POLR3B: variants seen among roughly 807,000 people sequenced by gnomAD.
POLR3B encodes the protein RNA polymerase III subunit B.
A neutral mutation model predicts 147.4 loss-of-function variants in POLR3B; 96 were observed. That is an observed-to-expected ratio of 0.65 (90% CI 0.55 to 0.77). The LOEUF (loss-of-function observed/expected upper bound fraction) is 0.77, where lower values mean the gene tolerates loss of function less well. Ranked by LOEUF, POLR3B falls within the 30% of genes least tolerant of loss-of-function variation. POLR3B has a pLI of 0.00. For synonymous variants in POLR3B, 461 were observed against 485.9 expected, an observed-to-expected ratio of 0.95 and a Z score of 0.67; for missense variants, 1,036 against 1,413.5, an observed-to-expected ratio of 0.73 and a Z score of 4.28.
chr12:106,501,349 T>C lies in POLR3B; in HGVS notation c.3011T>C (p.Phe1004Ser). Residue 1004 changes from phenylalanine to serine, a missense_variant, in exon 26 of 28, where the codon TTT (phenylalanine) becomes TCT (serine). Coordinates refer to ENST00000228347, the MANE Select transcript of POLR3B (RefSeq NM_018082.6). ...TGEPLEAYIY[F>S]GPVYYQKLKH... ...GAGCCCTTAGAAGCATACATCTATT[T>C]TGGCCCCGTGTACTATCAGAAGCTG... The C allele has an allele frequency of 6.2e-7, 1 of 1,612,696 alleles. No homozygotes were observed. The highest frequency in any genetic ancestry group is 1.7e-5 in the Admixed American group (1 of 60,024).
rs1019600893 is a variant in POLR3B at position 106,504,994 on chromosome 12, A to G, written c.3272+740A>G. The stretch of plus-strand genomic sequence containing the variant: ...ATTTCTCCAGCCTGGGACCTGGTAG[A>G]TGCTTCATAAAAAAATACTGGTTGA... On this transcript the variant is annotated intron_variant, in intron 27 of 27. Transcript: ENST00000228347. This position sits in a 1 kb window ranked among gnomAD's most constrained non-coding sequence, Gnocchi z 4.6. Among the ~76,000 whole-genome samples the G allele has an allele frequency of 6.6e-6, 1 of 152,276 alleles. No homozygotes were observed. The highest frequency in any genetic ancestry group is 2.1e-4 in the South Asian group (1 of 4,830).
chr12:106,382,267 C>A (rs2036773813), intron 9 of POLR3B, among the ~76,000 whole-genome samples: 2 of 152,156 alleles, frequency 1.3e-5, no homozygotes, highest in South Asian at 4.1e-4. Flanking sequence ...TATAAGACAA[C>A]CCTAGTCCTA....
At chr12:106,466,995 A>C (rs2038015343) in intron 23 of POLR3B, among the ~76,000 whole-genome samples, 1 of 152,174 alleles carries the variant, frequency 6.6e-6, no homozygotes, top group Non-Finnish European at 1.5e-5. Context: ...GAAGTAAGTC[A>C]GTGGTAGCTT....
intron 25 of POLR3B, chr12:106,500,294 T>C (rs1377827914): frequency 7.6e-6 from 3 of 393,106 alleles, no homozygotes; most frequent in Non-Finnish European, 1.5e-5. Context: ...AAAGTACTTA[T>C]ATATTCACCC....
In POLR3B at chr12:106,484,157, C is replaced by G. The variant is rs541571657; in HGVS notation, c.2714-11898C>G. Reference sequence around the variant, plus strand: ...CTTTGATAAAGATGTGAAAGAAAAACAGGGGGCAGCAGAGAAGAGCAAATG... The same window carrying G: ...CTTTGATAAAGATGTGAAAGAAAAAGAGGGGGCAGCAGAGAAGAGCAAATG... On this transcript the variant is annotated intron_variant, in intron 23 of 27. Coordinates refer to ENST00000228347, the MANE Select transcript of POLR3B (RefSeq NM_018082.6). Among the ~76,000 whole-genome samples the G allele has an allele frequency of 7.4e-4, 113 of 152,162 alleles. 1 individual carries two copies. Among genetic ancestry groups the G allele is most frequent in the African/African-American group, 2.5e-3 (104 of 41,512 alleles).
At chr12:106,477,638 C>A (rs1475238618) in intron 23 of POLR3B, among the ~76,000 whole-genome samples, 1 of 152,112 alleles carries the variant, frequency 6.6e-6, no homozygotes, top group Non-Finnish European at 1.5e-5. Context: ...CAGGTGCGTC[C>A]GTCACCCCTT....
intron 6 of POLR3B, among the ~76,000 whole-genome samples, chr12:106,370,582 T>C (rs1256548918): frequency 6.6e-6 from 1 of 152,098 alleles, no homozygotes; most frequent in African/African-American, 2.4e-5. Flanking sequence ...ATTAAAATGT[T>C]CATCTTGGTT....
intron 23 of POLR3B, among the ~76,000 whole-genome samples, chr12:106,488,083 A>G (rs1180841017): frequency 6.6e-6 from 1 of 152,256 alleles, no homozygotes; most frequent in African/African-American, 2.4e-5. Context: ...TTTGTAAAGA[A>G]GGTGGCATCA....
At chr12:106,365,858 CAA>C (rs35577793) in intron 2 of POLR3B, among the ~76,000 whole-genome samples, 11 of 127,828 alleles carry the variant, frequency 8.6e-5, no homozygotes, top group African/African-American at 1.4e-4. Context: ...GACTCTGTCT[CAA>C]AAAAAAAAAA....
intron 21 of POLR3B, 32 bp from the exon 22 acceptor site, chr12:106,459,219 C>A (rs765007649): frequency 2.6e-6 from 3 of 1,160,664 alleles, no homozygotes. Context: ...CAGATGATAA[C>A]GATGTGCCTA....
At chr12:106,498,574 T>C (rs540178350) in intron 25 of POLR3B, among the ~76,000 whole-genome samples, 1 of 150,646 alleles carries the variant, frequency 6.6e-6, no homozygotes, top group South Asian at 2.1e-4. Context: ...TTTTGTTTTT[T>C]GGGGTTTGTT....
chr12:106,404,398 G>A (rs2136930218), intron 10 of POLR3B, among the ~76,000 whole-genome samples: 1 of 152,218 alleles, frequency 6.6e-6, no homozygotes, highest in African/African-American at 2.4e-5. Context: ...CAGCCTGATA[G>A]AAAGTTCAGG....
intron 15 of POLR3B, 88 bp from the exon 16 acceptor site, chr12:106,433,631 C>A: frequency 9.3e-7 from 1 of 1,071,370 alleles, no homozygotes; most frequent in South Asian, 1.4e-5. Flanking sequence ...CTGCTTAGTG[C>A]TGATTACTAT....
chr12:106,497,901 A>G (rs1020376664), intron 25 of POLR3B, among the ~76,000 whole-genome samples: 2 of 152,198 alleles, frequency 1.3e-5, no homozygotes, highest in Non-Finnish European at 2.9e-5. Context: ...GACCATTTTC[A>G]AATATACTAC....
Position 106,380,441 on chromosome 12 carries a change from A to G in POLR3B, c.723+302A>G, listed in dbSNP as rs2036746139. On this transcript the variant is annotated intron_variant, in intron 9 of 27. Transcript: ENST00000228347. Reference sequence around the variant, plus strand: ...AAAAAAAAAAAAAAAAAAATAGCTGAGTGTGGTGGTGTGCATCTCTACTTC... The same window carrying G: ...AAAAAAAAAAAAAAAAAAATAGCTGGGTGTGGTGGTGTGCATCTCTACTTC... Among the ~76,000 whole-genome samples the G allele has an allele frequency of 2.7e-5, 4 of 145,878 alleles. No homozygotes were observed. In the Admixed American group the frequency reaches 2.7e-4, roughly 10 times the overall value.
intron 23 of POLR3B, among the ~76,000 whole-genome samples, chr12:106,485,679 G>T (rs1456844391): frequency 6.6e-6 from 1 of 152,192 alleles, no homozygotes; most frequent in Non-Finnish European, 1.5e-5. Context: ...AACTGATAAT[G>T]CTGTTTACCA....
In POLR3B at chr12:106,379,404, A is replaced by G. The variant is rs541160425; in HGVS notation, c.615-627A>G. 3.3e-5 allele frequency among the ~76,000 whole-genome samples: 5 copies of G among 152,334 alleles called. No individual in the cohort carries two copies. In the South Asian group the frequency reaches 6.2e-4, roughly 19 times the overall value. Reference sequence around the variant, plus strand: ...TTTCCTCATAAGTGATTTTGAGACAATACTTCAGTTTGACTATGTAGAAGA... The same window carrying G: ...TTTCCTCATAAGTGATTTTGAGACAGTACTTCAGTTTGACTATGTAGAAGA... On this transcript the variant is annotated intron_variant, in intron 8 of 27. Coordinates refer to ENST00000228347, the MANE Select transcript of POLR3B (RefSeq NM_018082.6).
At chr12:106,376,178 G>A (rs1335800786) in intron 6 of POLR3B, among the ~76,000 whole-genome samples, 181 bp from the exon 7 acceptor site, 1 of 152,162 alleles carries the variant, frequency 6.6e-6, no homozygotes, top group Non-Finnish European at 1.5e-5. Flanking sequence ...GACGAGCAGC[G>A]TGCCTGAGAA....
chr12:106,448,103 C>CA (rs1047610776), intron 19 of POLR3B, among the ~76,000 whole-genome samples: 2 of 151,946 alleles, frequency 1.3e-5, no homozygotes, highest in Non-Finnish European at 2.9e-5. Context: ...GTACAAAATG[C>CA]AAAAAATGTT....
Sources: gnomAD v4.1 joint callset for allele counts (sites outside exome capture counted in the v4.1 genomes callset) on GRCh38, gnomAD v4.1.1 for gene constraint, Gnocchi (gnomAD v3.1) non-coding constraint, MANE v1.5 for transcripts, NCBI Gene and HGNC (gene_info 2026-07-23, HGNC 2026-07-21) for gene names.